HSPA14: variants seen among roughly 807,000 people sequenced by gnomAD.
HSPA14 encodes heat shock protein family A (Hsp70) member 14.
Under a neutral mutation model 65.5 loss-of-function variants are expected in HSPA14, and 37 were observed. The observed-to-expected ratio is 0.56, with a 90% confidence interval of 0.43 to 0.74. The LOEUF is 0.74. Among genes scored for constraint, HSPA14 ranks in the 30% least tolerant of loss-of-function variants. The pLI is 0.00. For missense variants in HSPA14, 564 were observed against 607.6 expected, an observed-to-expected ratio of 0.93 and a Z score of 0.75; for synonymous variants, 203 against 214.2, an observed-to-expected ratio of 0.95 and a Z score of 0.46.
intron 10 of HSPA14, among the ~76,000 whole-genome samples, chr10:14,861,029 G>A (rs1473107690): frequency 6.6e-6 from 1 of 152,174 alleles, no homozygotes; most frequent in African/African-American, 2.4e-5. Context: ...GATGCCAGAG[G>A]TATAGTAGGG....
intron 3 of HSPA14, chr10:14,844,655 G>T: frequency 1.0e-6 from 1 of 982,212 alleles, no homozygotes; most frequent in Non-Finnish European, 1.2e-6. Flanking sequence ...CCAGGGAGCC[G>T]CCATTGTGTG....
chr10:14,848,960 AAGTT>A, intron 5 of HSPA14, 65 bp downstream of exon 5: 3 of 876,102 alleles, frequency 3.4e-6, no homozygotes, highest in Non-Finnish European at 5.5e-6. Context: ...CTTAAAAAAA[AAGTT>A]AGAGGTATTT....
rs187027693 is a variant in HSPA14, at chr10:14,867,739, G to A, written c.1210G>A (p.Val404Met). The change falls in exon 12 of 14, where the codon GTG becomes ATG. Residue 404 changes from valine (V) to methionine (M), a missense_variant. By Grantham distance (21) the Val-to-Met change is conservative. Transcript: ENST00000378372. Reference protein sequence around the residue: ...CSARDILVKGVDESGASRFTV... With the variant: ...CSARDILVKGMDESGASRFTV... ...CACCTTGTTTCCTGCTAACTAGGGTGTGGACGAATCAGGAGCCAGTAGATT... is the reference window on the plus strand; with the variant it reads ...CACCTTGTTTCCTGCTAACTAGGGTATGGACGAATCAGGAGCCAGTAGATT... 46 of 1,613,024 alleles carry A rather than the reference G, an allele frequency of 2.9e-5. No homozygotes were observed. The Admixed American group carries it at 3.2e-4, about 11-fold the overall frequency.
intron 10 of HSPA14, among the ~76,000 whole-genome samples, chr10:14,862,872 T>C (rs1411333301): frequency 6.6e-6 from 1 of 151,326 alleles, no homozygotes; most frequent in African/African-American, 2.4e-5. Flanking sequence ...TTTGTGAAGA[T>C]GGAGTTTCAC....
At chr10:14,853,163 G>C (rs1012843932) in intron 8 of HSPA14, among the ~76,000 whole-genome samples, 2 of 151,628 alleles carry the variant, frequency 1.3e-5, no homozygotes, top group Non-Finnish European at 1.5e-5. Context: ...TCTTGAAAAA[G>C]TCATAATGTC....
intron 10 of HSPA14, 60 bp from the exon 11 acceptor site, chr10:14,867,023 A>C: frequency 7.9e-7 from 1 of 1,258,048 alleles, no homozygotes; most frequent in South Asian, 1.2e-5. Flanking sequence ...TATTACACTT[A>C]ATTTTGAGAC....
chr10:14,868,767 C>G (rs1832828545), intron 12 of HSPA14, among the ~76,000 whole-genome samples: 1 of 152,212 alleles, frequency 6.6e-6, no homozygotes, highest in Non-Finnish European at 1.5e-5. Context: ...GAATTTTTTA[C>G]AAACAGCACA....
In HSPA14 at chr10:14,855,116, C is replaced by T. The variant is rs1009655096; in HGVS notation, c.891-725C>T. On this transcript the variant is annotated intron_variant, in intron 9 of 13. Transcript: ENST00000378372. ...CTCGGTATATATTTGCTTTATTAAT[C>T]AGTAATTAAGAAGGAAATGAAATTT... Among the ~76,000 whole-genome samples the T allele has an allele frequency of 2.6e-5, 4 of 152,174 alleles. No homozygotes were observed. The East Asian group carries it at 7.7e-4, about 29-fold the overall frequency.
At chr10:14,840,307 G>A (rs78044503) in intron 3 of HSPA14, 150 bp downstream of exon 3, 4,264 of 324,062 alleles carry the variant, frequency 0.013, 189 homozygotes, top group African/African-American at 0.085. Context: ...CCAGTAGGCA[G>A]TGTCTTTTGA....
At position 14,842,798 on chromosome 10, in the gene HSPA14, C is replaced by A; in HGVS notation, c.221+2641C>A. Reference sequence around the variant, plus strand: ...TCAGCTAAGAATCAGTGACCGGATACGAGAAACCAGTGACCTTGAGGACTC... The same window carrying A: ...TCAGCTAAGAATCAGTGACCGGATAAGAGAAACCAGTGACCTTGAGGACTC... On this transcript the variant is annotated intron_variant, in intron 3 of 13. Coordinates refer to ENST00000378372, the MANE Select transcript of HSPA14 (RefSeq NM_016299.4). The surrounding 1 kb of genome is among the most constrained non-coding windows in gnomAD (Gnocchi z 5.2). 1 of 1,536,258 alleles carries A rather than the reference C, an allele frequency of 6.5e-7. No homozygotes were observed.
At chr10:14,855,769 G>C (rs1237923963) in intron 9 of HSPA14, 72 bp from the exon 10 acceptor site, 2 of 756,240 alleles carry the variant, frequency 2.6e-6, no homozygotes, top group East Asian at 2.5e-5. Context: ...TTGTTTGATT[G>C]TACTGAGCCC....
At chr10:14,847,094 G>C (rs1345695402) in intron 3 of HSPA14, 4 of 918,102 alleles carry the variant, frequency 4.4e-6, no homozygotes, top group Non-Finnish European at 5.2e-6. Context: ...GGTCTTGCAT[G>C]TCTGCAGCCC....
At chr10:14,868,781 C>T (rs966105834) in intron 12 of HSPA14, among the ~76,000 whole-genome samples, 1 of 152,212 alleles carries the variant, frequency 6.6e-6, no homozygotes, top group Admixed American at 6.5e-5. Flanking sequence ...CAGCACAGGA[C>T]ATGAGCATGA....
At chr10:14,845,887 C>A in intron 3 of HSPA14, 1 of 446,042 alleles carries the variant, frequency 2.2e-6, no homozygotes, top group Non-Finnish European at 3.0e-6. Flanking sequence ...TTCTTTATCT[C>A]CGGATTGAGG....
chr10:14,855,252 G>A (rs1162365868), intron 9 of HSPA14, among the ~76,000 whole-genome samples: 1 of 152,044 alleles, frequency 6.6e-6, no homozygotes, highest in Non-Finnish European at 1.5e-5. Context: ...TATTTTTTAA[G>A]CCACTCATCT....
Position 14,842,336 on chromosome 10 carries a change from C to A in HSPA14, c.221+2179C>A. 6.5e-7 allele frequency: 1 copy of A among 1,536,016 alleles called. No individual in the cohort carries two copies. The highest frequency in any genetic ancestry group is 2.4e-5 in the East Asian group (1 of 40,904). ...CATCCGGTGGTCCAGACAGGAGACA[C>A]GAACTCTTCTCTCCATACTAGGCGA... On this transcript the variant is annotated intron_variant, in intron 3 of 13. Coordinates refer to ENST00000378372, the MANE Select transcript of HSPA14 (RefSeq NM_016299.4). The surrounding 1 kb of genome is among the most constrained non-coding windows in gnomAD (Gnocchi z 5.2).
intron 3 of HSPA14, chr10:14,841,192 A>C (rs369418375): frequency 6.6e-6 from 1 of 152,220 alleles, no homozygotes; most frequent in Non-Finnish European, 1.5e-5. Context: ...GCCAAAAACT[A>C]TAGTTGTTTG....
chr10:14,843,498 C>T (rs1389786042), intron 3 of HSPA14: 3 of 1,550,642 alleles, frequency 1.9e-6, no homozygotes, highest in Non-Finnish European at 2.6e-6. Context: ...GCACCAGCAC[C>T]AACCGCAGCA....
At position 14,846,223 on chromosome 10, in the gene HSPA14, ATAGGTAGG is replaced by A. The variant is rs144846967; in HGVS notation, c.222-2370_222-2363del. 3.5e-5 allele frequency: 34 copies of A among 985,188 alleles called. No homozygotes were observed. The South Asian group carries it at 8.5e-4, about 25-fold the overall frequency. The allele number at this position is 985,188 out of a possible 1,614,324, so 61.0% of individuals were successfully genotyped here. On this transcript the variant is annotated intron_variant, in intron 3 of 13. Transcript: ENST00000378372. The stretch of plus-strand genomic sequence containing the variant: ...TTATATGGAAAGATATGTGTCAATT[ATAGGTAGG>A]TAGGTAGGTAGGTAGATTTTCTGGA...
Sources: gnomAD v4.1 joint callset for allele counts (sites outside exome capture counted in the v4.1 genomes callset) on GRCh38, gnomAD v4.1.1 for gene constraint, Gnocchi (gnomAD v3.1) non-coding constraint, MANE v1.5 for transcripts, NCBI Gene and HGNC (gene_info 2026-07-23, HGNC 2026-07-21) for gene names.